The following ZFAT variants were observed in gnomAD, a reference collection of about 807,000 sequenced individuals.
ZFAT encodes zinc finger protein ZFAT.
Under a neutral mutation model 117.7 loss-of-function variants are expected in ZFAT, and 64 were observed. That is an observed-to-expected ratio of 0.54 (90% CI 0.44 to 0.67). The LOEUF (loss-of-function observed/expected upper bound fraction) is 0.67. Ranked by LOEUF, ZFAT falls within the 30% of genes least tolerant of loss-of-function variation. The pLI is 0.00. For synonymous variants in ZFAT, 679 were observed against 615.0 expected (o/e 1.10, Z -1.54); for missense variants, 1,433 against 1,584.5 (o/e 0.90, Z 1.62).
chr8:134,653,419 GTTTTTTTTTTTTTTTTT>G (rs61711569), intron 2 of ZFAT, among the ~76,000 whole-genome samples: 3 of 51,332 alleles, frequency 5.8e-5, no homozygotes, highest in South Asian at 1.2e-3. Context: ...CGTTTTATCT[GTTTTTTTTTTTTTTTTT>G]TTTTTTTTTT....
the ZFAT span, among the ~76,000 whole-genome samples, chr8:134,749,765 T>C: frequency 2.0e-5 from 3 of 152,240 alleles, no homozygotes; most frequent in African/African-American, 4.8e-5. Flanking sequence ...GCCACTTCTG[T>C]CATAGATCAA....
intron 1 of ZFAT, among the ~76,000 whole-genome samples, chr8:134,712,568 C>T (rs1311696097): frequency 6.6e-6 from 1 of 152,000 alleles, no homozygotes; most frequent in African/African-American, 2.4e-5. Context: ...GCCCCAACGC[C>T]ACCCATTGCC....
chr8:134,691,722 T>A (rs998165559), intron 1 of ZFAT, among the ~76,000 whole-genome samples: 5 of 152,236 alleles, frequency 3.3e-5, no homozygotes, highest in African/African-American at 1.2e-4. Context: ...CGATTTGTAA[T>A]CATGTATTTA....
At chr8:134,763,458 C>G in the ZFAT span, among the ~76,000 whole-genome samples, 1 of 152,132 alleles carries the variant, frequency 6.6e-6, no homozygotes, top group Non-Finnish European at 1.5e-5. Context: ...CAAATCTTAC[C>G]TTCTTAAAGA....
At chr8:134,484,038 C>G (rs1817498005) in intron 15 of ZFAT, among the ~76,000 whole-genome samples, 1 of 152,184 alleles carries the variant, frequency 6.6e-6, no homozygotes, top group Non-Finnish European at 1.5e-5. Flanking sequence ...AAACCCATTC[C>G]TCTCAGGTTA....
intron 15 of ZFAT, among the ~76,000 whole-genome samples, chr8:134,480,913 G>A (rs934815814): frequency 3.9e-5 from 6 of 152,188 alleles, no homozygotes; most frequent in African/African-American, 1.2e-4. Context: ...GGTGGGTCAT[G>A]TTTAATTCAG....
At chr8:134,501,744 T>C (rs1818995246) in intron 15 of ZFAT, among the ~76,000 whole-genome samples, 2 of 152,318 alleles carry the variant, frequency 1.3e-5, no homozygotes, top group African/African-American at 2.4e-5. Flanking sequence ...GAGAATTGTG[T>C]TGAAGTTAGG....
At chr8:134,601,447 G>C (rs750502694) in intron 6 of ZFAT, 30 bp downstream of exon 6, 15 of 1,572,674 alleles carry the variant, frequency 9.5e-6, no homozygotes, top group Non-Finnish European at 1.2e-5. Flanking sequence ...GTTGTGGACA[G>C]GGCCACGCAC....
At chr8:134,600,783 G>T in intron 6 of ZFAT, 115 bp from the exon 7 acceptor site, 2 of 856,498 alleles carry the variant, frequency 2.3e-6, no homozygotes, top group Non-Finnish European at 1.7e-6. Flanking sequence ...CGCTTGTCCG[G>T]GTCACCCTTC....
chr8:134,680,024 T>C (rs1832994126), intron 1 of ZFAT, among the ~76,000 whole-genome samples: 1 of 151,792 alleles, frequency 6.6e-6, no homozygotes, highest in African/African-American at 2.4e-5. Flanking sequence ...CAAACCACCA[T>C]GGTACATGTA....
At chr8:134,586,789 G>A (rs921865434) in intron 9 of ZFAT, among the ~76,000 whole-genome samples, 2 of 152,342 alleles carry the variant, frequency 1.3e-5, no homozygotes, top group African/African-American at 4.8e-5. Flanking sequence ...AAACAAGTCA[G>A]TTCAGAAGAG....
In ZFAT at chr8:134,655,819, C is replaced by T. The variant is rs1333504406; in HGVS notation, c.196+1742G>A. Among the ~76,000 whole-genome samples, 3 of 152,050 alleles carry T rather than the reference C, an allele frequency of 2.0e-5. No individual in the cohort carries two copies. In the East Asian group the frequency reaches 5.8e-4, roughly 29 times the overall value. On this transcript the variant is annotated intron_variant, in intron 2 of 15. Transcript: ENST00000377838. ...TCTGCCATATGAATTGGACAAGAGACATTATCCATTTTTCTGAGTCCATAT... is the reference window on the plus strand; with the variant it reads ...TCTGCCATATGAATTGGACAAGAGATATTATCCATTTTTCTGAGTCCATAT...
intron 14 of ZFAT, 144 bp from the exon 15 acceptor site, chr8:134,509,893 GAA>G: frequency 9.3e-7 from 1 of 1,077,172 alleles, no homozygotes; most frequent in Non-Finnish European, 1.3e-6. Context: ...TTTGACAACA[GAA>G]ATAATCTGTA....
intron 12 of ZFAT, among the ~76,000 whole-genome samples, chr8:134,530,573 G>A (rs1254972084): frequency 6.6e-6 from 1 of 152,176 alleles, no homozygotes; most frequent in Non-Finnish European, 1.5e-5. Flanking sequence ...GTCAAGAGAT[G>A]CTGGGTTGTC....
At chr8:134,624,377 C>A (rs1051415666) in intron 3 of ZFAT, among the ~76,000 whole-genome samples, 1 of 151,852 alleles carries the variant, frequency 6.6e-6, no homozygotes, top group Admixed American at 6.6e-5. Context: ...GTCCTGTGGC[C>A]GGGCATGGTG....
chr8:134,549,257 T>A (rs780043032), intron 11 of ZFAT, among the ~76,000 whole-genome samples: 1 of 151,960 alleles, frequency 6.6e-6, no homozygotes, highest in African/African-American at 2.4e-5. Flanking sequence ...CTGGCTAACA[T>A]GGTGAAACCC....
intron 3 of ZFAT, among the ~76,000 whole-genome samples, chr8:134,623,673 C>T (rs967638525): frequency 1.3e-5 from 2 of 152,140 alleles, no homozygotes; most frequent in Non-Finnish European, 2.9e-5. Flanking sequence ...GATTCAGATG[C>T]CACAGAACAC....
At chr8:134,736,709 C>T in the ZFAT span, among the ~76,000 whole-genome samples, 1 of 152,142 alleles carries the variant, frequency 6.6e-6, no homozygotes. Flanking sequence ...GATCCTCCCA[C>T]CGCAGCCTCC....
chr8:134,539,516 G>T (rs1259912089), intron 11 of ZFAT, among the ~76,000 whole-genome samples: 1 of 152,214 alleles, frequency 6.6e-6, no homozygotes, highest in Non-Finnish European at 1.5e-5. Context: ...TGACACTAGT[G>T]TGTGAAATCT....
Sources: gnomAD v4.1 joint callset for allele counts (sites outside exome capture counted in the v4.1 genomes callset) on GRCh38, gnomAD v4.1.1 for gene constraint, MANE v1.5 for transcripts, NCBI Gene and HGNC (gene_info 2026-07-23, HGNC 2026-07-21) for gene names.